LOC400499: variants seen among roughly 807,000 people sequenced by gnomAD.
the LOC400499 span, among the ~76,000 whole-genome samples, chr16:11,507,716 G>A: frequency 6.6e-6 from 1 of 152,204 alleles, no homozygotes; most frequent in Non-Finnish European, 1.5e-5. Flanking sequence ...AGGACTGTTT[G>A]TGTCCAGAAG....
the LOC400499 span, among the ~76,000 whole-genome samples, chr16:11,474,012 C>T: frequency 7.9e-5 from 12 of 152,282 alleles, no homozygotes; most frequent in East Asian, 7.7e-4. Flanking sequence ...CGCCACCATG[C>T]CCGGCTAATT....
the LOC400499 span, chr16:11,467,101 C>T: frequency 1.8e-3 from 280 of 155,872 alleles, 2 homozygotes; most frequent in South Asian, 0.024. Flanking sequence ...TACAGGCACG[C>T]ACCACTACAC....
the LOC400499 span, chr16:11,465,286 C>T: frequency 4.6e-5 from 7 of 152,194 alleles, no homozygotes; most frequent in African/African-American, 1.7e-4. Flanking sequence ...GCCACCACAC[C>T]CAGCTAATTT....
chr16:11,468,983 G>A, the LOC400499 span, among the ~76,000 whole-genome samples: 4 of 152,162 alleles, frequency 2.6e-5, no homozygotes, highest in Admixed American at 6.5e-5. Flanking sequence ...CATCAATGAC[G>A]GTGGGATTTG....
At chr16:11,372,157 G>A in the LOC400499 span, 1 of 152,186 alleles carries the variant, frequency 6.6e-6, no homozygotes, top group South Asian at 2.1e-4. Flanking sequence ...CCTCCCCAGG[G>A]TCCCCTGAAG....
chr16:11,394,105 C>T, the LOC400499 span, among the ~76,000 whole-genome samples: 1 of 152,220 alleles, frequency 6.6e-6, no homozygotes, highest in African/African-American at 2.4e-5. Context: ...CTAACATCCC[C>T]AGTGCCCTGG....
chr16:11,401,612 G>C, the LOC400499 span, among the ~76,000 whole-genome samples: 2 of 152,246 alleles, frequency 1.3e-5, no homozygotes, highest in African/African-American at 4.8e-5. Flanking sequence ...GGAGCAGATG[G>C]AGCGAACACA....
the LOC400499 span, among the ~76,000 whole-genome samples, chr16:11,445,288 A>G: frequency 6.6e-6 from 1 of 151,958 alleles, no homozygotes; most frequent in African/African-American, 2.4e-5. Flanking sequence ...AGGAGTGGGA[A>G]TGCACGTCTG....
the LOC400499 span, chr16:11,443,568 T>C: frequency 3.2e-6 from 1 of 317,342 alleles, no homozygotes; most frequent in Non-Finnish European, 6.1e-6. Context: ...AAAAATACGA[T>C]GCTCTCCCAG....
At chr16:11,386,528 C>G in the LOC400499 span, among the ~76,000 whole-genome samples, 1 of 152,222 alleles carries the variant, frequency 6.6e-6, no homozygotes, top group Non-Finnish European at 1.5e-5. Context: ...CACTCCTTGC[C>G]AAGCCTGGGT....
At chr16:11,452,211 T>G in the LOC400499 span, among the ~76,000 whole-genome samples, 363 of 151,684 alleles carry the variant, frequency 2.4e-3, 3 homozygotes, top group Admixed American at 3.7e-3. Flanking sequence ...GTTTGTTTTT[T>G]TTTTTTTTTT....
chr16:11,514,040 C>T, the LOC400499 span, among the ~76,000 whole-genome samples: 1 of 152,126 alleles, frequency 6.6e-6, no homozygotes, highest in East Asian at 1.9e-4. Flanking sequence ...ATCAGGAAAC[C>T]TGAGTCAGTT....
chr16:11,469,932 C>T, the LOC400499 span, among the ~76,000 whole-genome samples: 1 of 151,474 alleles, frequency 6.6e-6, no homozygotes, highest in Non-Finnish European at 1.5e-5. Flanking sequence ...GACCGAGTCC[C>T]GCTCTGTTGC....
chr16:11,450,721 A>T, the LOC400499 span: 1 of 1,536,168 alleles, frequency 6.5e-7, no homozygotes, highest in Non-Finnish European at 8.7e-7. Context: ...GGCCTTGCCC[A>T]GCGTTAGCTC....
chr16:11,504,560 C>CA, the LOC400499 span, among the ~76,000 whole-genome samples: 1 of 147,176 alleles, frequency 6.8e-6, no homozygotes, highest in African/African-American at 2.5e-5. Flanking sequence ...CGTCCCCCCC[C>CA]CCAAAAAAAA....
chr16:11,515,424 C>G, the LOC400499 span, among the ~76,000 whole-genome samples: 1 of 152,058 alleles, frequency 6.6e-6, no homozygotes, highest in Admixed American at 6.6e-5. Flanking sequence ...CCACTGCACT[C>G]CAGCCTGGGT....
At chr16:11,460,305 T>A in the LOC400499 span, among the ~76,000 whole-genome samples, 2 of 152,216 alleles carry the variant, frequency 1.3e-5, no homozygotes, top group African/African-American at 4.8e-5. Flanking sequence ...GAAGCGTTCC[T>A]GGATGAACAG....
At chr16:11,391,351 G>A in the LOC400499 span, among the ~76,000 whole-genome samples, 2 of 152,038 alleles carry the variant, frequency 1.3e-5, no homozygotes, top group Non-Finnish European at 2.9e-5. Flanking sequence ...CTGTGGCAGT[G>A]AGCTTCACAG....
chr16:11,488,788 G>A, the LOC400499 span: 1 of 399,058 alleles, frequency 2.5e-6, no homozygotes, highest in South Asian at 1.3e-4. Context: ...TGTCCTCGGG[G>A]AGGGTGTCCC....
Sources: gnomAD v4.1 joint callset for allele counts (sites outside exome capture counted in the v4.1 genomes callset) on GRCh38, gnomAD v4.1.1 for gene constraint, MANE v1.5 for transcripts.